Variants in PDCD1 observed in about 807,000 individuals in gnomAD.
PDCD1 encodes programmed cell death 1, also known as programmed cell death protein 1.
Under a neutral mutation model 23.6 loss-of-function variants are expected in PDCD1, and 10 were observed. The ratio of observed to expected loss-of-function variants is 0.42; its 90% CI spans 0.26 to 0.72. The LOEUF is 0.72. PDCD1 is among the 30% of genes least tolerant of loss of function. PDCD1 has a pLI of 0.24. For missense variants in PDCD1, 313 were observed against 397.8 expected (o/e 0.79, Z 1.81); for synonymous variants, 168 against 169.3 (o/e 0.99, Z 0.06).
rs373831349 is a variant in PDCD1 at position 241,851,274 on chromosome 2, A to C, written c.651T>G (p.Pro217=). ...GCTCCCCATAGTCCACAGAGAACACAGGCACGGCTGAGGGGTCCTCCTTCT... is the reference window on the plus strand; with the variant it reads ...GCTCCCCATAGTCCACAGAGAACACCGGCACGGCTGAGGGGTCCTCCTTCT... ...QPLKEDPSAV[P]VFSVDYGELD... The change falls in exon 5 of 5, where the codon CCT becomes CCG. Residue 217 remains proline (P), a synonymous_variant. Coordinates refer to ENST00000334409, the MANE Select transcript of PDCD1 (RefSeq NM_005018.3). 1.2e-6 allele frequency: 2 copies of C among 1,612,812 alleles called. No individual in the cohort carries two copies. The highest frequency in any genetic ancestry group is 1.3e-5 in the African/African-American group (1 of 75,016).
At chr2:241,852,014 C>T (rs1275739397) in intron 3 of PDCD1, 31 bp from the exon 4 acceptor site, 2 of 1,609,416 alleles carry the variant, frequency 1.2e-6, no homozygotes, top group Non-Finnish European at 1.7e-6. Context: ...GGTCACCAGG[C>T]CGACCCTGAG....
intron 1 of PDCD1, among the ~76,000 whole-genome samples, chr2:241,858,159 G>A (rs896457962): frequency 2.6e-5 from 4 of 152,214 alleles, no homozygotes; most frequent in Non-Finnish European, 5.9e-5. Context: ...CCACCCAGGA[G>A]GGATCCTGGA....
chr2:241,851,353 C>A, intron 4 of PDCD1, 56 bp from the exon 5 acceptor site: 1 of 1,544,300 alleles, frequency 6.5e-7, no homozygotes. Context: ...GGAAGGAGGC[C>A]CGCGGCTCCA....
At chr2:241,853,132 G>A in intron 1 of PDCD1, 152 bp from the exon 2 acceptor site, 2 of 886,504 alleles carry the variant, frequency 2.3e-6, no homozygotes, top group Non-Finnish European at 3.4e-6. Flanking sequence ...CTGCCACCCG[G>A]GGATGGGCAC....
chr2:241,850,616 C>A lies in PDCD1; in HGVS notation c.*442G>T. The A allele has an allele frequency of 2.3e-6, 1 of 444,080 alleles. No homozygotes were observed. Among genetic ancestry groups the A allele is most frequent in the Non-Finnish European group, 4.2e-6 (1 of 236,320 alleles). The allele number at this position is 444,080 out of a possible 1,614,324, so 27.5% of individuals were successfully genotyped here. A position where few individuals can be genotyped will look rare whatever the true frequency, so the allele number is the denominator to read the frequency against. On this transcript the variant is annotated 3_prime_UTR_variant, in exon 5 of 5. Coordinates refer to ENST00000334409, the MANE Select transcript of PDCD1 (RefSeq NM_005018.3). ...CCAGGGCGTTTCGGGATGCCACTGC[C>A]AGGGGCACCTTGGCTGCTCCAAGGC...
intron 1 of PDCD1, among the ~76,000 whole-genome samples, chr2:241,857,185 A>G (rs1234176065): frequency 6.6e-6 from 1 of 152,234 alleles, no homozygotes; most frequent in African/African-American, 2.4e-5. Flanking sequence ...AGGAGGGAAA[A>G]GAGGCATCCT....
At chr2:241,854,093 T>G (rs1433467820) in intron 1 of PDCD1, among the ~76,000 whole-genome samples, 1 of 152,138 alleles carries the variant, frequency 6.6e-6, no homozygotes, top group African/African-American at 2.4e-5. Flanking sequence ...GCGTGCTGGC[T>G]GGACACCAGA....
Position 241,852,967 on chromosome 2 carries a change from C to T in PDCD1, c.90G>A (p.Arg30=), listed in dbSNP as rs866487309. 1 of 1,561,124 alleles carries T rather than the reference C, an allele frequency of 6.4e-7. No individual in the cohort carries two copies. ...RPGWFLDSPD[R]PWNPPTFSPA... is the part of the protein sequence containing the mutation. The stretch of plus-strand genomic sequence containing the variant: ...GGGAGAAGGTGGGGGGGTTCCAGGG[C>T]CTGTCTGGGGAGTCTGAGAGATGGA... The change falls in exon 2 of 5, where the codon AGG becomes AGA. Residue 30 remains arginine, a synonymous_variant. Transcript: ENST00000334409.
chr2:241,856,168 C>T (rs999344780), intron 1 of PDCD1, among the ~76,000 whole-genome samples: 16 of 152,180 alleles, frequency 1.1e-4, no homozygotes, highest in Non-Finnish European at 1.5e-4. Context: ...CACAGGGAGC[C>T]GACCCTGTGG....
In PDCD1 at chr2:241,852,041, G is replaced by C. The variant is rs575284219; in HGVS notation, c.593-58C>G. 13 of 1,578,170 alleles carry C rather than the reference G, an allele frequency of 8.2e-6. No individual in the cohort carries two copies. In the African/African-American group the frequency reaches 1.5e-4, roughly 18 times the overall value. The stretch of plus-strand genomic sequence containing the variant: ...GACCCTGAGCCGTGCTCCTAGGTGG[G>C]GGGTCTTAGTCCAGGGGCCTTCATC... On this transcript the variant is annotated intron_variant, in intron 3 of 4. Coordinates refer to ENST00000334409, the MANE Select transcript of PDCD1 (RefSeq NM_005018.3).
chr2:241,854,529 C>G (rs2124865047), intron 1 of PDCD1, among the ~76,000 whole-genome samples: 1 of 152,332 alleles, frequency 6.6e-6, no homozygotes, highest in East Asian at 1.9e-4. Context: ...CCAGGGCACT[C>G]AGAGACCTGC....
At chr2:241,855,694 C>T (rs144480760) in intron 1 of PDCD1, among the ~76,000 whole-genome samples, 2,225 of 152,298 alleles carry the variant, frequency 0.015, 35 homozygotes, top group Non-Finnish European at 0.015. Flanking sequence ...CTGCCCCGGG[C>T]GGAGGAACCT....
Position 241,852,693 on chromosome 2 carries a change from G to T in PDCD1, c.364C>A (p.Leu122Ile). 1 of 1,613,628 alleles carries T rather than the reference G, an allele frequency of 6.2e-7. No homozygotes were observed. The highest frequency in any genetic ancestry group is 8.5e-7 in the Non-Finnish European group (1 of 1,179,926). ...GGGGCCAGGGAGATGGCCCCACAGAGGTAGGTGCCGCTGTCATTGCGCCGG... is the reference window on the plus strand; with the variant it reads ...GGGGCCAGGGAGATGGCCCCACAGATGTAGGTGCCGCTGTCATTGCGCCGG... ...RARRNDSGTYLCGAISLAPKA... is the reference protein window; with the variant it reads ...RARRNDSGTYICGAISLAPKA... Residue 122 changes from leucine (L) to isoleucine (I), a missense_variant, in exon 2 of 5, where the codon CTC becomes ATC. Around this residue, in one of 3 missense-constraint regions of PDCD1, gnomAD observed 20 missense variants for 53.3 expected, o/e 0.38. Coordinates refer to ENST00000334409, the MANE Select transcript of PDCD1 (RefSeq NM_005018.3).
chr2:241,851,482 A>G (rs926344925), intron 4 of PDCD1, among the ~76,000 whole-genome samples, 185 bp from the exon 5 acceptor site: 5 of 152,194 alleles, frequency 3.3e-5, no homozygotes, highest in African/African-American at 7.2e-5. Flanking sequence ...CTCTGGCTCA[A>G]TGTCCCCCTC....
At chr2:241,856,167 C>T (rs1313329196) in intron 1 of PDCD1, among the ~76,000 whole-genome samples, 9 of 152,160 alleles carry the variant, frequency 5.9e-5, no homozygotes, top group Admixed American at 5.9e-4. Context: ...GCACAGGGAG[C>T]CGACCCTGTG....
At chr2:241,856,491 C>A (rs6747063) in intron 1 of PDCD1, among the ~76,000 whole-genome samples, 3 of 152,212 alleles carry the variant, frequency 2.0e-5, no homozygotes, top group East Asian at 3.9e-4. Context: ...CAAAATAGTC[C>A]GTTTAAAATC....
chr2:241,856,884 C>T (rs1434031818), intron 1 of PDCD1, among the ~76,000 whole-genome samples: 1 of 152,202 alleles, frequency 6.6e-6, no homozygotes. Context: ...CCGATTTAAT[C>T]CTCAGGACGC....
At chr2:241,854,240 C>A (rs758832457) in intron 1 of PDCD1, among the ~76,000 whole-genome samples, 2 of 152,230 alleles carry the variant, frequency 1.3e-5, no homozygotes, top group Non-Finnish European at 2.9e-5. Context: ...TGCCCATGGC[C>A]TCCCGGCTGA....
rs570122580 is a variant in PDCD1 at position 241,852,193 on chromosome 2, G to T, written c.592+5C>A. On this transcript the variant is annotated splice_donor_5th_base_variant and intron_variant, in intron 3 of 4. Coordinates refer to ENST00000334409, the MANE Select transcript of PDCD1 (RefSeq NM_005018.3). ...GGGCAGGCCGAGGGGCTGGGATGAC[G>T]TTACCTCGTGCGGCCCGGGAGCAGA... 2 of 1,607,262 alleles carry T rather than the reference G, an allele frequency of 1.2e-6. No individual in the cohort carries two copies. The highest frequency in any genetic ancestry group is 4.5e-5 in the East Asian group (2 of 44,580).
Sources: allele counts gnomAD v4.1 joint callset (sites outside exome capture counted in the v4.1 genomes callset), GRCh38; gene constraint gnomAD v4.1.1; regional missense constraint gnomAD v4.1.1; transcripts MANE v1.5; gene names NCBI Gene and HGNC (gene_info 2026-07-23, HGNC 2026-07-21).